The following OR5H1 variants were observed in gnomAD, a reference collection of about 807,000 sequenced individuals.
The protein encoded by OR5H1 is olfactory receptor 5H1.
For synonymous variants in OR5H1, 124 were observed against 134.4 expected, an observed-to-expected ratio of 0.92 and a Z score of 0.54; for missense variants, 378 against 366.8, an observed-to-expected ratio of 1.03 and a Z score of -0.25.
chr3:98,132,647 A>T, intron 1 of OR5H1, 33 bp from the exon 2 acceptor site: 1 of 1,599,082 alleles, frequency 6.3e-7, no homozygotes, highest in Non-Finnish European at 8.5e-7. Context: ...GCCATTGCAA[A>T]TGTTCCCTTT....
chr3:98,131,835 C>T (rs987992672), intron 1 of OR5H1, among the ~76,000 whole-genome samples: 1 of 151,960 alleles, frequency 6.6e-6, no homozygotes, highest in Non-Finnish European at 1.5e-5. Flanking sequence ...TGTTTAATAT[C>T]CATCTTCCCA....
In OR5H1 at chr3:98,134,946, G is replaced by A. The variant is rs1166550158; in HGVS notation, c.*1307G>A. ...TTTTGTTAGATTGTCATTGCTACCA[G>A]ATTATATGCATGTATGTTTTAGGTA... On this transcript the variant is annotated 3_prime_UTR_variant, in exon 2 of 2. Transcript: ENST00000641874. 1 of 151,972 alleles carries A rather than the reference G, an allele frequency of 6.6e-6. No individual in the cohort carries two copies. The highest frequency in any genetic ancestry group is 1.5e-5 in the Non-Finnish European group (1 of 67,968). The allele number at this position is 151,972 out of a possible 1,614,324, so 9.4% of individuals were successfully genotyped here.
In OR5H1 at chr3:98,132,674, T is replaced by C; in HGVS notation, c.-18-6T>C. On this transcript the variant is annotated splice_polypyrimidine_tract_variant and splice_region_variant and intron_variant, in intron 1 of 1. Coordinates refer to ENST00000641874, the MANE Select transcript of OR5H1 (RefSeq NM_001005338.2). ...GTTCCCTTTCATTTGTTGCATTTTA[T>C]TTTAGAGGGCATGCTGTGAGGACAT... is the stretch of plus-strand genomic sequence containing the variant. 6.2e-7 allele frequency: 1 copy of C among 1,609,706 alleles called. No homozygotes were observed. Among genetic ancestry groups the C allele is most frequent in the Non-Finnish European group, 8.5e-7 (1 of 1,177,524 alleles).
chr3:98,138,106 C>G lies in OR5H1; in HGVS notation c.*4467C>G, dbSNP rs748718736. On this transcript the variant is annotated 3_prime_UTR_variant, in exon 2 of 2. Coordinates refer to ENST00000641874, the MANE Select transcript of OR5H1 (RefSeq NM_001005338.2). ...ATCGATAGGCTAGCGTCTTAAAATC[C>G]GAGCTCGTCAGGTGCTCAACTTCTG... 6.6e-6 allele frequency: 1 copy of G among 151,820 alleles called. No homozygotes were observed. The highest frequency in any genetic ancestry group is 1.5e-5 in the Non-Finnish European group (1 of 68,002). 9.4% of individuals were successfully genotyped at this position (151,820 alleles called of 1,614,324 possible).
In OR5H1 at chr3:98,133,700, G is replaced by T; in HGVS notation, c.*61G>T. ...TATGCAAGTTAGAGGTACCTATGTT[G>T]TTTCCAGTGTTCAAACATTTTTGCA... is the stretch of plus-strand genomic sequence containing the variant. On this transcript the variant is annotated 3_prime_UTR_variant, in exon 2 of 2. Transcript: ENST00000641874. 1.5e-6 allele frequency: 2 copies of T among 1,372,640 alleles called. No individual in the cohort carries two copies. Among genetic ancestry groups the T allele is most frequent in the African/African-American group, 1.4e-5 (1 of 69,748 alleles). The allele number at this position is 1,372,640 out of a possible 1,614,324, so 85.0% of individuals were successfully genotyped here.
At chr3:98,132,250 G>C (rs1316120115) in intron 1 of OR5H1, among the ~76,000 whole-genome samples, 2 of 151,988 alleles carry the variant, frequency 1.3e-5, no homozygotes, top group East Asian at 1.9e-4. Flanking sequence ...AAAAAATTAG[G>C]ATGTAATTTC....
chr3:98,133,422 G>A lies in OR5H1; in HGVS notation c.725G>A (p.Gly242Glu). Residue 242 changes from glycine (G) to glutamate (E), a missense_variant, in exon 2 of 2, where the codon GGA becomes GAA. Transcript: ENST00000641874. ...KGVRKAFSTC[G>E]AHLFSVSLYY... ...GTAAGGAAAGCCTTTTCCACCTGTG[G>A]AGCCCATCTCTTCTCTGTCTCTTTA... The A allele has an allele frequency of 6.2e-7, 1 of 1,613,284 alleles. No homozygotes were observed. The highest frequency in any genetic ancestry group is 8.5e-7 in the Non-Finnish European group (1 of 1,179,604).
At position 98,132,740 on chromosome 3, in the gene OR5H1, A is replaced by G; in HGVS notation, c.43A>G (p.Thr15Ala). ...NATLLTEFVL[T>A]GFLYQPQWKI... ...AACATTGCTGACAGAGTTTGTTCTC[A>G]CAGGATTTTTATATCAACCACAGTG... Residue 15 changes from threonine to alanine, a missense_variant, in exon 2 of 2, where the codon ACA (threonine) becomes GCA (alanine). By Grantham distance (58) the Thr-to-Ala change is moderately conservative. Coordinates refer to ENST00000641874, the MANE Select transcript of OR5H1 (RefSeq NM_001005338.2). The G allele has an allele frequency of 1.9e-6, 3 of 1,613,308 alleles. No homozygotes were observed. Among genetic ancestry groups the G allele is most frequent in the Non-Finnish European group, 2.5e-6 (3 of 1,179,462 alleles).
rs1245342077 is a variant in OR5H1 at position 98,137,503 on chromosome 3, T to C, written c.*3864T>C. ...TTGACAAATATACATCACACCGGCA[T>C]TTTACAGATTGGCAAATCTACGAAT... On this transcript the variant is annotated 3_prime_UTR_variant, in exon 2 of 2. Transcript: ENST00000641874. The C allele has an allele frequency of 6.6e-6, 1 of 152,158 alleles. No individual in the cohort carries two copies. Among genetic ancestry groups the C allele is most frequent in the Non-Finnish European group, 1.5e-5 (1 of 68,038 alleles). 9.4% of individuals were successfully genotyped at this position (152,158 alleles called of 1,614,324 possible). A position where few individuals can be genotyped will look rare whatever the true frequency, so the allele number is the denominator to read the frequency against.
chr3:98,133,850 CTG>C lies in OR5H1; in HGVS notation c.*213_*214del, dbSNP rs1708287871. 3 of 458,380 alleles carry C rather than the reference CTG, an allele frequency of 6.5e-6. No individual in the cohort carries two copies. Among genetic ancestry groups the C allele is most frequent in the African/African-American group, 2.0e-5 (1 of 50,782 alleles). The allele number at this position is 458,380 out of a possible 1,614,324, so 28.4% of individuals were successfully genotyped here. On this transcript the variant is annotated 3_prime_UTR_variant, in exon 2 of 2. Coordinates refer to ENST00000641874, the MANE Select transcript of OR5H1 (RefSeq NM_001005338.2). Reference sequence around the variant, plus strand: ...CATACTGTTCATAATAGAATAATGACTGTAGAAATCAAATAAAACTATTTAAC... The same window carrying C: ...CATACTGTTCATAATAGAATAATGACTAGAAATCAAATAAAACTATTTAAC...
Position 98,133,628 on chromosome 3 carries a change from G to T in OR5H1, c.931G>T (p.Val311Phe), listed in dbSNP as rs751206050. 5 of 1,599,046 alleles carry T rather than the reference G, an allele frequency of 3.1e-6. No individual in the cohort carries two copies. The highest frequency in any genetic ancestry group is 2.2e-5 in the South Asian group (2 of 89,244). ...FTKMLKKHVKVSY is the reference protein window; with the variant it reads ...FTKMLKKHVKFSY ...AAAAATGTTAAAAAAACATGTTAAG[G>T]TTTCATACTAATATCCTTTCTCTAA... The change falls in exon 2 of 2, where the codon GTT (valine) becomes TTT (phenylalanine). Residue 311 changes from valine to phenylalanine, a missense_variant. Transcript: ENST00000641874.
chr3:98,135,473 T>C lies in OR5H1; in HGVS notation c.*1834T>C, dbSNP rs1708306966. The stretch of plus-strand genomic sequence containing the variant: ...TGGGATATTGACTAAAACTCAGGCA[T>C]ACTTGCACTCTCTGTGGCCAGCACA... On this transcript the variant is annotated 3_prime_UTR_variant, in exon 2 of 2. Coordinates refer to ENST00000641874, the MANE Select transcript of OR5H1 (RefSeq NM_001005338.2). 1 of 152,184 alleles carries C rather than the reference T, an allele frequency of 6.6e-6. No homozygotes were observed. The highest frequency in any genetic ancestry group is 2.4e-5 in the African/African-American group (1 of 41,440). The allele number at this position is 152,184 out of a possible 1,614,324, so 9.4% of individuals were successfully genotyped here.
In OR5H1 at chr3:98,138,000, G is replaced by A. The variant is rs1708339200; in HGVS notation, c.*4361G>A. On this transcript the variant is annotated 3_prime_UTR_variant, in exon 2 of 2. Coordinates refer to ENST00000641874, the MANE Select transcript of OR5H1 (RefSeq NM_001005338.2). ...TTAACTACATTTACAGCACGTTTAT[G>A]TCAGTGTAGCAGGACGAGCCGTGGG... 6.6e-6 allele frequency: 1 copy of A among 152,070 alleles called. No individual in the cohort carries two copies. The highest frequency in any genetic ancestry group is 2.1e-4 in the South Asian group (1 of 4,816). 9.4% of individuals were successfully genotyped at this position (152,070 alleles called of 1,614,324 possible). A position where few individuals can be genotyped will look rare whatever the true frequency, so the allele number is the denominator to read the frequency against.
chr3:98,133,557 C>T lies in OR5H1; in HGVS notation c.860C>T (p.Pro287Leu), dbSNP rs562175052. Residue 287 changes from proline to leucine, a missense_variant, in exon 2 of 2, where the codon CCT becomes CTT. Transcript: ENST00000641874. ...FYTVIIPLLN[P>L]IIYSLRNKQV... ...ACTGTCATCATTCCTTTGTTAAATC[C>T]TATCATCTACAGTCTGAGAAATAAG... The T allele has an allele frequency of 1.2e-6, 2 of 1,612,974 alleles. No homozygotes were observed. The highest frequency in any genetic ancestry group is 2.7e-5 in the African/African-American group (2 of 74,848).
chr3:98,132,112 C>T (rs926557282), intron 1 of OR5H1, among the ~76,000 whole-genome samples: 2 of 151,986 alleles, frequency 1.3e-5, no homozygotes, highest in Admixed American at 1.3e-4. Context: ...AAAACTCACT[C>T]AGATAATTTT....
rs754718603 is a variant in OR5H1, at chr3:98,133,450, C to T, written c.753C>T (p.Tyr251=). The T allele has an allele frequency of 6.2e-7, 1 of 1,613,490 alleles. No individual in the cohort carries two copies. The highest frequency in any genetic ancestry group is 8.5e-7 in the Non-Finnish European group (1 of 1,179,646). ...CGAHLFSVSL[Y]YGPLLFIYVG... is the part of the protein sequence containing the mutation. ...CCCATCTCTTCTCTGTCTCTTTATA[C>T]TATGGACCCCTTCTCTTCATTTATG... The change falls in exon 2 of 2, where the codon TAC becomes TAT. Residue 251 remains tyrosine (Y), a synonymous_variant. Transcript: ENST00000641874.
chr3:98,133,664 A>G lies in OR5H1; in HGVS notation c.*25A>G. 1 of 1,557,434 alleles carries G rather than the reference A, an allele frequency of 6.4e-7. No homozygotes were observed. The highest frequency in any genetic ancestry group is 2.2e-5 in the East Asian group (1 of 44,466). On this transcript the variant is annotated 3_prime_UTR_variant, in exon 2 of 2. Coordinates refer to ENST00000641874, the MANE Select transcript of OR5H1 (RefSeq NM_001005338.2). ...ATATCCTTTCTCTAATTACAAAAAT[A>G]GTCACAAAATTATGCAAGTTAGAGG...
chr3:98,133,367 G>T lies in OR5H1; in HGVS notation c.670G>T (p.Ala224Ser), dbSNP rs72926074. The change falls in exon 2 of 2, where the codon GCA becomes TCA. Residue 224 changes from alanine (A) to serine (S), a missense_variant. Physicochemically the swap from Ala to Ser is moderately conservative, Grantham distance 99 (BLOSUM62 1). Coordinates refer to ENST00000641874, the MANE Select transcript of OR5H1 (RefSeq NM_001005338.2). ...ILVSYTFVLF[A>S]ILKKKSDKGV... ...TGTATCTTATACATTTGTTCTCTTC[G>T]CAATCTTAAAAAAGAAATCTGATAA... The T allele has an allele frequency of 9.3e-6, 15 of 1,612,600 alleles. No individual in the cohort carries two copies. In the Middle Eastern group the frequency reaches 1.3e-3, roughly 141 times the overall value.
rs560982319 is a variant in OR5H1, at chr3:98,136,657, C to G, written c.*3018C>G. 4 of 148,378 alleles carry G rather than the reference C, an allele frequency of 2.7e-5. No homozygotes were observed. The East Asian group carries it at 7.8e-4, about 29-fold the overall frequency. The allele number at this position is 148,378 out of a possible 1,614,324, so 9.2% of individuals were successfully genotyped here. A position where few individuals can be genotyped will look rare whatever the true frequency, so the allele number is the denominator to read the frequency against. On this transcript the variant is annotated 3_prime_UTR_variant, in exon 2 of 2. Transcript: ENST00000641874. ...TGGGAGGTGTTTGGGTCATGGGGGT[C>G]GATCTCTCATGAATGCCTTGGTGCC...
Sources: allele counts gnomAD v4.1 joint callset (sites outside exome capture counted in the v4.1 genomes callset), GRCh38; gene constraint gnomAD v4.1.1; transcripts MANE v1.5; gene names NCBI Gene and HGNC (gene_info 2026-07-23, HGNC 2026-07-21).